TARBP1: variants seen among roughly 807,000 people sequenced by gnomAD.
The protein encoded by TARBP1 is tRNA (guanosine(18)-2'-O)-methyltransferase TARBP1.
In TARBP1, 144 loss-of-function variants were observed where a neutral mutation model predicts 178.6. The observed-to-expected ratio is 0.81, with a 90% CI of 0.70 to 0.93. The LOEUF (loss-of-function observed/expected upper bound fraction) is 0.93. TARBP1 is among the 40% of genes least tolerant of loss of function. The pLI, the probability that TARBP1 is intolerant of heterozygous loss-of-function variation, is 0.00. For synonymous variants in TARBP1, 787 were observed against 781.0 expected (o/e 1.01, Z -0.13); for missense variants, 2,067 against 2,011.7 (o/e 1.03, Z -0.53).
chr1:234,432,214 G>A (rs977998668), intron 14 of TARBP1, among the ~76,000 whole-genome samples: 18 of 151,318 alleles, frequency 1.2e-4, no homozygotes, highest in Admixed American at 1.1e-3. Flanking sequence ...GGCTGAGGCA[G>A]GCAAATTGCT....
intron 20 of TARBP1, among the ~76,000 whole-genome samples, chr1:234,421,107 G>C (rs2103097871): frequency 6.6e-6 from 1 of 152,106 alleles, no homozygotes; most frequent in South Asian, 2.1e-4. Flanking sequence ...TTTCTTTTTT[G>C]AGATGGAGTC....
chr1:234,423,486 C>T (rs1663345809), intron 20 of TARBP1, among the ~76,000 whole-genome samples: 1 of 152,220 alleles, frequency 6.6e-6, no homozygotes, highest in Non-Finnish European at 1.5e-5. Flanking sequence ...TCTATACTCA[C>T]TGTCTCCACT....
intron 3 of TARBP1, among the ~76,000 whole-genome samples, chr1:234,469,074 TTTTAAAAAAA>T (rs1282073059): frequency 3.1e-3 from 54 of 17,288 alleles, no homozygotes; most frequent in Non-Finnish European, 3.8e-3. Flanking sequence ...TTTTTTTTTT[TTTTAAAAAAA>T]AAAAAAAGGC....
intron 9 of TARBP1, among the ~76,000 whole-genome samples, chr1:234,453,317 C>A (rs1666967696): frequency 7.7e-6 from 1 of 130,192 alleles, no homozygotes; most frequent in Non-Finnish European, 1.6e-5. Flanking sequence ...ACTCTCTGTA[C>A]TTTTTTTGTG....
intron 24 of TARBP1, among the ~76,000 whole-genome samples, chr1:234,404,285 A>G (rs1660994742): frequency 6.6e-6 from 1 of 152,168 alleles, no homozygotes; most frequent in African/African-American, 2.4e-5. Flanking sequence ...GGAAGGGCTG[A>G]AAGTCTATGG....
intron 25 of TARBP1, among the ~76,000 whole-genome samples, chr1:234,399,779 G>A (rs545655111): frequency 4.0e-5 from 6 of 151,002 alleles, no homozygotes; most frequent in African/African-American, 1.5e-4. Flanking sequence ...GTAAACTATC[G>A]CAAGAACGAA....
At chr1:234,417,726 T>A (rs1263659293) in intron 22 of TARBP1, among the ~76,000 whole-genome samples, 3 of 152,238 alleles carry the variant, frequency 2.0e-5, no homozygotes, top group Non-Finnish European at 4.4e-5. Context: ...AAACCTTTTT[T>A]TCAATTTTAA....
chr1:234,419,039 G>A (rs1662768489), intron 21 of TARBP1, among the ~76,000 whole-genome samples: 1 of 152,066 alleles, frequency 6.6e-6, no homozygotes, highest in African/African-American at 2.4e-5. Flanking sequence ...GGGTGAGGTG[G>A]TGGGCGCCTG....
chr1:234,404,199 C>G (rs1660989142), intron 24 of TARBP1, among the ~76,000 whole-genome samples: 1 of 152,092 alleles, frequency 6.6e-6, no homozygotes, highest in South Asian at 2.1e-4. Flanking sequence ...CATCGAATCA[C>G]AGAGACAGCT....
intron 15 of TARBP1, 115 bp from the exon 16 acceptor site, chr1:234,429,792 A>T: frequency 8.3e-7 from 1 of 1,209,486 alleles, no homozygotes; most frequent in Middle Eastern, 2.9e-4. Flanking sequence ...GTACAGATAT[A>T]AATGGTCATT....
intron 12 of TARBP1, among the ~76,000 whole-genome samples, chr1:234,443,150 C>G (rs915474650): frequency 6.6e-6 from 1 of 151,944 alleles, no homozygotes; most frequent in Non-Finnish European, 1.5e-5. Flanking sequence ...ATTAGCCAGG[C>G]ATGGTGGTGC....
chr1:234,437,287 ATTCATAGTAAGTC>A lies in TARBP1; in HGVS notation c.2207_2219del (p.Arg736MetfsTer3), dbSNP rs1665126060. The stretch of plus-strand genomic sequence containing the variant: ...ACTGAATACTTACACTATTTAGCTC[ATTCATAGTAAGTC>A]TTCTGAGAATAAATTCAGAAATGCT... On this transcript the variant is annotated frameshift_variant, in exon 13 of 30. Coordinates refer to ENST00000040877, the MANE Select transcript of TARBP1 (RefSeq NM_005646.4). LOFTEE classifies it high-confidence loss of function. 6.4e-7 allele frequency: 1 copy of A among 1,551,422 alleles called. No individual in the cohort carries two copies. Among genetic ancestry groups the A allele is most frequent in the African/African-American group, 1.4e-5 (1 of 73,202 alleles).
intron 12 of TARBP1, among the ~76,000 whole-genome samples, chr1:234,446,114 C>A (rs564988293): frequency 6.6e-6 from 1 of 152,204 alleles, no homozygotes; most frequent in Non-Finnish European, 1.5e-5. Context: ...CAGGTTCAAC[C>A]TAATACTAAT....
rs747803580 is a variant in TARBP1, at chr1:234,425,764, A to T, written c.3353T>A (p.Ile1118Asn). Reference sequence around the variant, plus strand: ...TAAACACAGGAATTTGACAGCACAAATTCTCACATAATGGTCTTCTCTCTT... The same window carrying T: ...TAAACACAGGAATTTGACAGCACAATTTCTCACATAATGGTCTTCTCTCTT... ...NTKREDHYVR[I>N]CAVKFLCLLD... Residue 1118 changes from isoleucine (I) to asparagine (N), a missense_variant, in exon 20 of 30, where the codon ATT becomes AAT. By Grantham distance (149) the Ile-to-Asn change is moderately radical. Transcript: ENST00000040877. The T allele has an allele frequency of 6.3e-7, 1 of 1,597,716 alleles. No homozygotes were observed. The highest frequency in any genetic ancestry group is 1.1e-5 in the South Asian group (1 of 90,218).
chr1:234,424,223 C>T (rs548304420), intron 20 of TARBP1, among the ~76,000 whole-genome samples: 12 of 152,294 alleles, frequency 7.9e-5, no homozygotes, highest in South Asian at 6.2e-4. Context: ...CCAGGCACTC[C>T]GCTGACCTCG....
chr1:234,462,687 C>CAAAAAA (rs35604890), intron 6 of TARBP1, among the ~76,000 whole-genome samples: 17 of 102,722 alleles, frequency 1.7e-4, no homozygotes, highest in African/African-American at 3.0e-4. Flanking sequence ...GACTTCATCT[C>CAAAAAA]AAAAAAAAAA....
intron 1 of TARBP1, 38 bp downstream of exon 1, chr1:234,478,135 G>C: frequency 6.3e-7 from 1 of 1,593,256 alleles, no homozygotes; most frequent in Non-Finnish European, 8.6e-7. Context: ...GGGCAGCCAA[G>C]TAGGTAGCAC....
intron 9 of TARBP1, among the ~76,000 whole-genome samples, chr1:234,457,145 A>G (rs1203973812): frequency 6.6e-6 from 1 of 152,176 alleles, no homozygotes; most frequent in Non-Finnish European, 1.5e-5. Flanking sequence ...TCACAAGGGA[A>G]GAAGCTTCAC....
rs200419779 is a variant in TARBP1 at position 234,416,744 on chromosome 1, TG to T, written c.3705+1339del. On this transcript the variant is annotated intron_variant, in intron 22 of 29. Coordinates refer to ENST00000040877, the MANE Select transcript of TARBP1 (RefSeq NM_005646.4). ...ACACCCAGGTTTTAAGCTAGGAGAC[TG>T]GGAGAATGAAAGACATCAGAAAGGG... Among the ~76,000 whole-genome samples, 1,442 of 152,262 alleles carry T rather than the reference TG, an allele frequency of 9.5e-3. 23 individuals are homozygous for T. Among genetic ancestry groups the T allele is most frequent in the African/African-American group, 0.032 (1,345 of 41,536 alleles).
Sources: gnomAD v4.1 joint callset for allele counts (sites outside exome capture counted in the v4.1 genomes callset) on GRCh38, gnomAD v4.1.1 for gene constraint, MANE v1.5 for transcripts, NCBI Gene and HGNC (gene_info 2026-07-23, HGNC 2026-07-21) for gene names.